Variants in KIF13B observed in about 807,000 individuals in gnomAD.
KIF13B encodes kinesin family member 13B, also known as kinesin-like protein KIF13B.
Under a neutral mutation model 222.0 loss-of-function variants are expected in KIF13B, and 127 were observed. That is an observed-to-expected ratio of 0.57 (90% CI 0.50 to 0.66). The LOEUF (loss-of-function observed/expected upper bound fraction) is 0.66. Among genes scored for constraint, KIF13B ranks in the 30% least tolerant of loss-of-function variants. KIF13B has a pLI of 0.00. For synonymous variants in KIF13B, 976 were observed against 919.0 expected (o/e 1.06, Z -1.12); for missense variants, 2,173 against 2,379.0 (o/e 0.91, Z 1.80).
At chr8:29,262,844 G>T in intron 1 of KIF13B, 136 bp downstream of exon 1, 1 of 603,414 alleles carries the variant, frequency 1.7e-6, no homozygotes, top group East Asian at 3.5e-5. Flanking sequence ...CGGGTTTCAG[G>T]GTCCCCGGGC....
chr8:29,174,423 G>GA (rs1048329899), intron 10 of KIF13B, among the ~76,000 whole-genome samples: 3 of 152,178 alleles, frequency 2.0e-5, no homozygotes, highest in African/African-American at 7.2e-5. Context: ...TTTGAGACAG[G>GA]AAAGAAAAGT....
chr8:29,105,331 T>C (rs1809004541), intron 35 of KIF13B, among the ~76,000 whole-genome samples: 1 of 152,092 alleles, frequency 6.6e-6, no homozygotes, highest in Admixed American at 6.6e-5. Context: ...ACCTGGTTCA[T>C]CCCCAAGCCT....
At chr8:29,164,610 G>A (rs761001374) in intron 12 of KIF13B, among the ~76,000 whole-genome samples, 1 of 152,188 alleles carries the variant, frequency 6.6e-6, no homozygotes, top group Non-Finnish European at 1.5e-5. Flanking sequence ...TAGGGCCAGT[G>A]AGTAGAAGTA....
At chr8:29,250,379 C>G (rs1182539704) in intron 1 of KIF13B, among the ~76,000 whole-genome samples, 1 of 152,152 alleles carries the variant, frequency 6.6e-6, no homozygotes, top group Non-Finnish European at 1.5e-5. Flanking sequence ...AACAGCTTCT[C>G]CCTCTGCCAC....
At chr8:29,141,541 T>C (rs1810818087) in intron 19 of KIF13B, among the ~76,000 whole-genome samples, 1 of 152,232 alleles carries the variant, frequency 6.6e-6, no homozygotes, top group Admixed American at 6.5e-5. Flanking sequence ...TAAACAACTC[T>C]ATGCGGAAAC....
At chr8:29,244,293 G>A (rs1416460006) in intron 2 of KIF13B, among the ~76,000 whole-genome samples, 5 of 152,194 alleles carry the variant, frequency 3.3e-5, no homozygotes, top group Admixed American at 1.3e-4. Context: ...GATTACAGGC[G>A]TCAGCCACTG....
At chr8:29,211,549 G>A (rs1209819634) in intron 2 of KIF13B, among the ~76,000 whole-genome samples, 1 of 152,238 alleles carries the variant, frequency 6.6e-6, no homozygotes, top group Non-Finnish European at 1.5e-5. Flanking sequence ...GCAATGCAGA[G>A]GGAGAACTCC....
rs200102612 is a variant in KIF13B, at chr8:29,072,229, A to G, written c.4609T>C (p.Ser1537Pro). ...GTGACAGCTATGACAGGCGGTGGGG[A>G]AGGCACTTTGGCAGGTTTGTCGCAG... Reference protein sequence around the residue: ...KICDKPAKVPSPPPVIAVTAV... With the variant: ...KICDKPAKVPPPPPVIAVTAV... The change falls in exon 39 of 40, where the codon TCC becomes CCC. Residue 1537 changes from serine (S) to proline (P), a missense_variant. Around this residue, in one of 2 missense-constraint regions of KIF13B, gnomAD observed 693 missense variants for 656.2 expected, o/e 1.06. Coordinates refer to ENST00000524189, the MANE Select transcript of KIF13B (RefSeq NM_015254.4). 6.8e-7 allele frequency: 1 copy of G among 1,470,130 alleles called. No individual in the cohort carries two copies. The highest frequency in any genetic ancestry group is 9.0e-7 in the Non-Finnish European group (1 of 1,112,000). 91.1% of individuals were successfully genotyped at this position (1,470,130 alleles called of 1,614,324 possible).
intron 37 of KIF13B, among the ~76,000 whole-genome samples, chr8:29,077,721 T>C (rs1807628656): frequency 6.6e-6 from 1 of 152,196 alleles, no homozygotes; most frequent in Non-Finnish European, 1.5e-5. Context: ...AAAAACCCAG[T>C]AGATAGATGC....
chr8:29,163,780 G>T (rs1811880702), intron 12 of KIF13B, among the ~76,000 whole-genome samples: 1 of 152,154 alleles, frequency 6.6e-6, no homozygotes, highest in African/African-American at 2.4e-5. Flanking sequence ...AAAAGAAAAG[G>T]TGCCAACACT....
intron 2 of KIF13B, among the ~76,000 whole-genome samples, chr8:29,224,133 A>C (rs1208055406): frequency 6.6e-6 from 1 of 150,638 alleles, no homozygotes; most frequent in Non-Finnish European, 1.5e-5. Context: ...CTGGGACTAC[A>C]GGCACCCGCC....
At chr8:29,152,062 G>T (rs989039392) in intron 14 of KIF13B, among the ~76,000 whole-genome samples, 3 of 152,136 alleles carry the variant, frequency 2.0e-5, no homozygotes, top group African/African-American at 4.8e-5. Flanking sequence ...GCCTTCGGGG[G>T]GTTCAAGACT....
Position 29,245,756 on chromosome 8 carries a change from G to A in KIF13B, c.56-317C>T, listed in dbSNP as rs187032675. On this transcript the variant is annotated intron_variant, in intron 1 of 39. Transcript: ENST00000524189. ...GTTAGGCAAGAAAAATAAACAACAGGCATCCAGATTGGAAAGGAAGAAGTA... is the reference window on the plus strand; with the variant it reads ...GTTAGGCAAGAAAAATAAACAACAGACATCCAGATTGGAAAGGAAGAAGTA... Among the ~76,000 whole-genome samples, 884 of 147,162 alleles carry A rather than the reference G, an allele frequency of 6.0e-3. 2 individuals carry two copies. Among genetic ancestry groups the A allele is most frequent in the Middle Eastern group, 0.01 (3 of 290 alleles).
intron 13 of KIF13B, among the ~76,000 whole-genome samples, chr8:29,159,241 C>T (rs1811664566): frequency 6.6e-6 from 1 of 152,154 alleles, no homozygotes; most frequent in Non-Finnish European, 1.5e-5. Context: ...ACCTCCACCT[C>T]TTAGGTTCAA....
chr8:29,147,281 A>G, intron 17 of KIF13B, 111 bp downstream of exon 17: 1 of 800,606 alleles, frequency 1.2e-6, no homozygotes, highest in Non-Finnish European at 2.0e-6. Flanking sequence ...ATCTTTTAAC[A>G]TAATTCTTTT....
intron 36 of KIF13B, among the ~76,000 whole-genome samples, chr8:29,098,419 G>A (rs942893061): frequency 4.0e-5 from 6 of 151,256 alleles, no homozygotes; most frequent in African/African-American, 7.3e-5. Context: ...CCTGGCCAAC[G>A]TGGTGAAACC....
chr8:29,177,779 G>A (rs751464636), intron 8 of KIF13B, among the ~76,000 whole-genome samples: 2 of 152,102 alleles, frequency 1.3e-5, no homozygotes, highest in African/African-American at 2.4e-5. Flanking sequence ...CCATGGTGGC[G>A]TGTGCCTGTA....
intron 13 of KIF13B, among the ~76,000 whole-genome samples, chr8:29,157,963 C>T (rs191704084): frequency 2.0e-5 from 3 of 152,304 alleles, no homozygotes; most frequent in Admixed American, 2.0e-4. Context: ...GACCCTCACA[C>T]TCACCATCTT....
chr8:29,173,811 G>A (rs1812357137), intron 10 of KIF13B, among the ~76,000 whole-genome samples: 1 of 151,782 alleles, frequency 6.6e-6, no homozygotes, highest in Non-Finnish European at 1.5e-5. Context: ...AGGTGTGGCG[G>A]TGCGCACCTG....
Sources: allele counts gnomAD v4.1 joint callset (sites outside exome capture counted in the v4.1 genomes callset), GRCh38; gene constraint gnomAD v4.1.1; regional missense constraint gnomAD v4.1.1; transcripts MANE v1.5; gene names NCBI Gene and HGNC (gene_info 2026-07-23, HGNC 2026-07-21).